Variants in MADD observed in about 807,000 individuals in gnomAD.
MADD encodes the protein MAP kinase activating death domain, also known as MAP kinase-activating death domain protein.
In MADD, 109 loss-of-function variants were observed where a neutral mutation model predicts 176.7. The observed-to-expected ratio is 0.62, with a 90% CI of 0.53 to 0.72. MADD has a LOEUF of 0.72. MADD is among the 30% of genes least tolerant of loss of function. MADD has a pLI of 0.00. For synonymous variants in MADD, 771 were observed against 771.3 expected, an observed-to-expected ratio of 1.00 and a Z score of 0.01; for missense variants, 1,914 against 2,045.5, an observed-to-expected ratio of 0.94 and a Z score of 1.24.
chr11:47,324,253 CCT>C lies in MADD; in HGVS notation c.4363-11_4363-10del, dbSNP rs1259435172. 4.2e-5 allele frequency: 67 copies of C among 1,613,558 alleles called. No homozygotes were observed. Among genetic ancestry groups the C allele is most frequent in the Non-Finnish European group, 5.3e-5 (63 of 1,179,642 alleles). On this transcript the variant is annotated splice_polypyrimidine_tract_variant and intron_variant, in intron 28 of 32. Coordinates refer to ENST00000402192, the Ensembl canonical transcript of MADD. ...GCCCTCATGATGGGACCACTCTCCC[CCT>C]GTGCCACAGTGTCGGGAGCTGTACT... is the stretch of plus-strand genomic sequence containing the variant.
In MADD at chr11:47,276,035, C is replaced by T. The variant is rs2049522167; in HGVS notation, c.796C>T (p.Arg266Ter). 3 of 1,614,182 alleles carry T rather than the reference C, an allele frequency of 1.9e-6. No individual in the cohort carries two copies. Among genetic ancestry groups the T allele is most frequent in the South Asian group, 1.1e-5 (1 of 91,078 alleles). Reference sequence around the variant, plus strand: ...CCCAGTACCCGTCTCTGGGCAGAAGCGAGTAGACATCGAGGTCCTACCCCA... The same window carrying T: ...CCCAGTACCCGTCTCTGGGCAGAAGTGAGTAGACATCGAGGTCCTACCCCA... The change falls in exon 4 of 33, where the codon CGA becomes TGA. Residue 266 changes from arginine (R) to a stop codon, truncating the protein, a stop_gained. Coordinates refer to ENST00000402192, the Ensembl canonical transcript of MADD. LOFTEE classifies it high-confidence loss of function.
intron 26 of MADD, among the ~76,000 whole-genome samples, chr11:47,312,881 T>A (rs1332604552): frequency 6.6e-6 from 1 of 152,272 alleles, no homozygotes; most frequent in Non-Finnish European, 1.5e-5. Flanking sequence ...AAAGCATCTC[T>A]GTTGCAAACC....
intron 22 of MADD, among the ~76,000 whole-genome samples, chr11:47,297,692 C>G (rs1268425825): frequency 4.6e-5 from 7 of 151,514 alleles, no homozygotes; most frequent in Non-Finnish European, 1.0e-4. Context: ...GTGATCTGCT[C>G]GCCTTGGCCT....
At chr11:47,289,276 C>A in intron 15 of MADD, 115 bp from the exon 17 acceptor site, 1 of 922,746 alleles carries the variant, frequency 1.1e-6, no homozygotes, top group Non-Finnish European at 1.7e-6. Context: ...CTTGGTGCTA[C>A]CCTCACCCAG....
intron 10 of MADD, among the ~76,000 whole-genome samples, chr11:47,283,627 A>G (rs1341948297): frequency 2.0e-5 from 3 of 152,184 alleles, no homozygotes; most frequent in Non-Finnish European, 4.4e-5. Flanking sequence ...GCTAGAGCGC[A>G]GTGGCGTGAT....
chr11:47,327,665 G>A (rs1309087292), intron 31 of MADD: 2 of 985,306 alleles, frequency 2.0e-6, no homozygotes, highest in Non-Finnish European at 2.4e-6. Context: ...ATACTTGGGG[G>A]AATCTTCCAA....
At chr11:47,288,074 A>T (rs1250755684) in intron 15 of MADD, among the ~76,000 whole-genome samples, 2 of 152,202 alleles carry the variant, frequency 1.3e-5, no homozygotes, top group African/African-American at 4.8e-5. Flanking sequence ...GGCGTGAGCC[A>T]CCGCACCTGG....
At chr11:47,293,772 A>G in intron 19 of MADD, 111 bp from the exon 22 acceptor site, 1 of 682,060 alleles carries the variant, frequency 1.5e-6, no homozygotes, top group African/African-American at 1.8e-5. Flanking sequence ...TGGAAAGGTG[A>G]CTAGGATGGG....
intron 1 of MADD, chr11:47,272,098 A>C (rs1964994815): frequency 1.3e-5 from 2 of 152,268 alleles, no homozygotes; most frequent in African/African-American, 4.8e-5. Context: ...AGGTACTGTC[A>C]GTGGGAGAAG....
At chr11:47,300,424 C>T (rs1310698059) in intron 22 of MADD, among the ~76,000 whole-genome samples, 1 of 150,114 alleles carries the variant, frequency 6.7e-6, no homozygotes. Context: ...CCAGGGTGGT[C>T]TCGAACTCCT....
chr11:47,328,320 G>T, intron 31 of MADD: 1 of 1,209,602 alleles, frequency 8.3e-7, no homozygotes, highest in Non-Finnish European at 1.0e-6. Flanking sequence ...CAGCTCCTCA[G>T]GGGCCCTGGA....
exon 3 of MADD, chr11:47,274,712 T>G: frequency 6.2e-7 from 1 of 1,614,206 alleles, no homozygotes; most frequent in Non-Finnish European, 8.5e-7. Flanking sequence ...CGCATGAGCC[T>G]TCGGGATGAT....
chr11:47,271,207 CAG>C (rs1375223595), intron 1 of MADD: 2 of 152,158 alleles, frequency 1.3e-5, no homozygotes, highest in African/African-American at 4.8e-5. Context: ...AGGCAAGAGG[CAG>C]AGTCGGAGCC....
At chr11:47,295,777 G>A in intron 21 of MADD, 120 bp from the exon 24 acceptor site, 2 of 1,524,378 alleles carry the variant, frequency 1.3e-6, no homozygotes, top group South Asian at 2.7e-5. Flanking sequence ...TACTTCCAGA[G>A]GCTATCTGAC....
At chr11:47,328,053 C>T (rs895539000) in intron 31 of MADD, 10 of 992,362 alleles carry the variant, frequency 1.0e-5, no homozygotes, top group Middle Eastern at 1.0e-3. Flanking sequence ...AGCCCTCAGA[C>T]GCTCTCCCTC....
At chr11:47,322,770 T>C (rs2094710360) in intron 27 of MADD, among the ~76,000 whole-genome samples, 1 of 152,242 alleles carries the variant, frequency 6.6e-6, no homozygotes, top group East Asian at 1.9e-4. Flanking sequence ...AATATTTTTA[T>C]AGAAAAAGGG....
chr11:47,283,284 G>A (rs1488609099), intron 10 of MADD, among the ~76,000 whole-genome samples: 3 of 151,278 alleles, frequency 2.0e-5, no homozygotes, highest in Non-Finnish European at 4.4e-5. Flanking sequence ...TAGTAGAGAT[G>A]GGGTTTCACC....
chr11:47,307,079 C>CTTTT (rs3070459), intron 22 of MADD, among the ~76,000 whole-genome samples: 2 of 143,932 alleles, frequency 1.4e-5, no homozygotes, highest in Non-Finnish European at 3.0e-5. Context: ...GATTTTTATA[C>CTTTT]TTTTTTTTTT....
chr11:47,285,644 G>A, intron 14 of MADD, 54 bp downstream of exon 14: 1 of 1,607,742 alleles, frequency 6.2e-7, no homozygotes, highest in Non-Finnish European at 8.5e-7. Context: ...CTCTACAGCA[G>A]AGCCTGACTA....
Sources: gnomAD v4.1 joint callset for allele counts (sites outside exome capture counted in the v4.1 genomes callset) on GRCh38, gnomAD v4.1.1 for gene constraint, MANE v1.5 for transcripts, NCBI Gene and HGNC (gene_info 2026-07-23, HGNC 2026-07-21) for gene names.